The following GRM6 variants were observed in gnomAD, a reference collection of about 807,000 sequenced individuals.
The protein encoded by GRM6 is metabotropic glutamate receptor 6.
In GRM6, 73 loss-of-function variants were observed where a neutral mutation model predicts 78.4. The ratio of observed to expected loss-of-function variants is 0.93; its 90% CI spans 0.77 to 1.13. The LOEUF is 1.13. Ranked by LOEUF, GRM6 falls within the 50% of genes most tolerant of loss-of-function variation. The pLI, the probability that GRM6 is intolerant of heterozygous loss-of-function variation, is 0.00. For synonymous variants in GRM6, 580 were observed against 555.0 expected (o/e 1.05, Z -0.63); for missense variants, 1,251 against 1,256.4 (o/e 1.00, Z 0.07).
At position 178,981,522 on chromosome 5, in the gene GRM6, A is replaced by G; in HGVS notation, c.*135T>C. 1.5e-6 allele frequency: 1 copy of G among 670,544 alleles called. No homozygotes were observed. Among genetic ancestry groups the G allele is most frequent in the Non-Finnish European group, 2.6e-6 (1 of 386,148 alleles). 41.5% of individuals were successfully genotyped at this position (670,544 alleles called of 1,614,324 possible). On this transcript the variant is annotated 3_prime_UTR_variant, in exon 11 of 11. Coordinates refer to ENST00000517717, the MANE Select transcript of GRM6 (RefSeq NM_000843.4). This position sits in a 1 kb window ranked among gnomAD's most constrained non-coding sequence, Gnocchi z 5.1. Reference sequence around the variant, plus strand: ...CCAGTTCCTTCTCAAGGCCAGCCCCACCGACGCGGAGCATGGTCTTGGCAA... The same window carrying G: ...CCAGTTCCTTCTCAAGGCCAGCCCCGCCGACGCGGAGCATGGTCTTGGCAA...
At position 178,994,550 on chromosome 5, in the gene GRM6, C is replaced by T. The variant is rs1581900080; in HGVS notation, c.395G>A (p.Gly132Glu). ...CGCGGGGCGCAGCGGAGGGACGCCT[C>T]CCGGGCAGCGCACGCCCACCTCGTC... ...DGDEVGVRCP[G>E]GVPPLRPAPP... The change falls in exon 2 of 11, where the codon GGA becomes GAA. Residue 132 changes from glycine (G) to glutamate (E), a missense_variant. By Grantham distance (98) the Gly-to-Glu change is moderately conservative. Coordinates refer to ENST00000517717, the MANE Select transcript of GRM6 (RefSeq NM_000843.4). The T allele has an allele frequency of 8.9e-6, 12 of 1,354,178 alleles. No homozygotes were observed. Among genetic ancestry groups the T allele is most frequent in the Non-Finnish European group, 1.0e-5 (11 of 1,059,798 alleles). 83.9% of individuals were successfully genotyped at this position (1,354,178 alleles called of 1,614,324 possible).
At chr5:178,982,351 A>G (rs1760411121) in intron 10 of GRM6, among the ~76,000 whole-genome samples, 1 of 152,080 alleles carries the variant, frequency 6.6e-6, no homozygotes, top group African/African-American at 2.4e-5. Context: ...GCCGAGGCAG[A>G]TGGGTCACTT....
chr5:178,994,914 G>A lies in GRM6; in HGVS notation c.31C>T (p.Leu11=), dbSNP rs986210410. The change falls in exon 2 of 11, where the codon CTG becomes TTG. Residue 11 remains leucine (L), a synonymous_variant. Coordinates refer to ENST00000517717, the MANE Select transcript of GRM6 (RefSeq NM_000843.4). The part of the protein sequence containing the change: MARPRRAREP[L]LVALLPLAWL... ...GCCAGCGGCAGCAGCGCCACGAGCA[G>A]CGGCTCCCGGGCTCTCCGGGGCCGC... 11 of 1,207,304 alleles carry A rather than the reference G, an allele frequency of 9.1e-6. No homozygotes were observed. The East Asian group carries it at 3.7e-4, about 41-fold the overall frequency. 74.8% of individuals were successfully genotyped at this position (1,207,304 alleles called of 1,614,324 possible). A position where few individuals can be genotyped will look rare whatever the true frequency, so the allele number is the denominator to read the frequency against.
In GRM6 at chr5:178,988,233, G is replaced by A. The variant is rs1760604979; in HGVS notation, c.1354+702C>T. Among the ~76,000 whole-genome samples the A allele has an allele frequency of 6.6e-6, 1 of 152,146 alleles. No homozygotes were observed. The highest frequency in any genetic ancestry group is 6.5e-5 in the Admixed American group (1 of 15,276). ...TGACAGTATGAAATTGGAATGACTT[G>A]AACAATGAGCTCTATTTTTCTTACA... is the stretch of plus-strand genomic sequence containing the variant. On this transcript the variant is annotated intron_variant, in intron 7 of 10. Transcript: ENST00000517717. The surrounding 1 kb of genome is among the most constrained non-coding windows in gnomAD (Gnocchi z 6.0).
At chr5:178,985,651 T>A (rs536161691) in intron 9 of GRM6, 26 of 382,482 alleles carry the variant, frequency 6.8e-5, no homozygotes, top group Admixed American at 2.8e-4. Flanking sequence ...TGCAGGGAGC[T>A]GAGATAGTGC....
At chr5:178,990,556 CGTGTG>C (rs760362485) in intron 5 of GRM6, 31 bp downstream of exon 5, 25 of 1,564,420 alleles carry the variant, frequency 1.6e-5, no homozygotes, top group Non-Finnish European at 2.1e-5. Flanking sequence ...GCTGGGGAGA[CGTGTG>C]GGGTGGGGGA....
intron 5 of GRM6, chr5:178,989,636 TTGGTGGACTCAGAGCCAAC>T: frequency 3.3e-6 from 2 of 607,886 alleles, no homozygotes; most frequent in Non-Finnish European, 5.9e-6. Context: ...CAAGTTCTGA[TTGGTGGACTCAGAGCCAAC>T]TGGAGGTTCC....
intron 10 of GRM6, 119 bp downstream of exon 10, chr5:178,982,791 T>G: frequency 1.4e-6 from 1 of 736,696 alleles, no homozygotes; most frequent in Non-Finnish European, 2.4e-6. Flanking sequence ...AATGAGTGAA[T>G]GAACAAGCAG....
chr5:178,985,486 G>T (rs182798412), intron 9 of GRM6: 12 of 341,220 alleles, frequency 3.5e-5, no homozygotes, highest in Non-Finnish European at 5.7e-5. Context: ...GGCGGATCAC[G>T]AGGTCAGGAG....
At chr5:178,985,549 A>G (rs1192889413) in intron 9 of GRM6, 1 of 337,572 alleles carries the variant, frequency 3.0e-6, no homozygotes, top group Non-Finnish European at 5.8e-6. Context: ...TAAAAATACA[A>G]AAAATTAGCC....
intron 9 of GRM6, among the ~76,000 whole-genome samples, chr5:178,985,467 G>A (rs551302915): frequency 1.3e-5 from 2 of 151,674 alleles, no homozygotes; most frequent in Non-Finnish European, 2.9e-5. Context: ...ACTTTGGGAG[G>A]CCGAGGTGGG....
rs1561720935 is a variant in GRM6, at chr5:178,992,049, T to C, written c.539A>G (p.Glu180Gly). The C allele has an allele frequency of 1.2e-6, 2 of 1,613,782 alleles. No individual in the cohort carries two copies. Among genetic ancestry groups the C allele is most frequent in the Admixed American group, 1.7e-5 (1 of 60,000 alleles). ...GTCATAGCGTGTGGAGTCGCTGAGC[T>C]CCGGGGCTGTGGAGGCATAGCTGAT... ...PQISYASTAP[E>G]LSDSTRYDFF... The change falls in exon 3 of 11, where the codon GAG (glutamate) becomes GGG (glycine). Residue 180 changes from glutamate to glycine, a missense_variant. By Grantham distance (98) the Glu-to-Gly change is moderately conservative. Coordinates refer to ENST00000517717, the MANE Select transcript of GRM6 (RefSeq NM_000843.4). The surrounding 1 kb of genome is among the most constrained non-coding windows in gnomAD (Gnocchi z 4.9).
intron 9 of GRM6, chr5:178,985,866 A>C: frequency 1.8e-6 from 1 of 554,858 alleles, no homozygotes; most frequent in Non-Finnish European, 3.3e-6. Flanking sequence ...GGCTCAAGCG[A>C]TCCTCCTATT....
intron 9 of GRM6, chr5:178,983,537 A>C (rs1475950): frequency 0.078 from 43,331 of 553,378 alleles, 2,260 homozygotes; most frequent in African/African-American, 0.19. Flanking sequence ...CCTGCATTCT[A>C]GCCATTACCA....
chr5:178,994,932 G>C lies in GRM6; in HGVS notation c.13C>G (p.Arg5Gly), dbSNP rs1372202082. 28 of 1,185,118 alleles carry C rather than the reference G, an allele frequency of 2.4e-5. No homozygotes were observed. In the Admixed American group the frequency reaches 7.8e-4, roughly 33 times the overall value. The allele number at this position is 1,185,118 out of a possible 1,614,324, so 73.4% of individuals were successfully genotyped here. A position where few individuals can be genotyped will look rare whatever the true frequency, so the allele number is the denominator to read the frequency against. ...ACGAGCAGCGGCTCCCGGGCTCTCC[G>C]GGGCCGCGCCATCGGCTCGTCTAGC... MARP[R>G]RAREPLLVAL... The change falls in exon 2 of 11, where the codon CGG becomes GGG. Residue 5 changes from arginine to glycine, a missense_variant. Arg to Gly is a moderately radical substitution (Grantham distance 125). Coordinates refer to ENST00000517717, the MANE Select transcript of GRM6 (RefSeq NM_000843.4).
rs879377261 is a variant in GRM6, at chr5:178,979,296, C to G, written c.*2361G>C. On this transcript the variant is annotated 3_prime_UTR_variant, in exon 11 of 11. Coordinates refer to ENST00000517717, the MANE Select transcript of GRM6 (RefSeq NM_000843.4). Reference sequence around the variant, plus strand: ...CACAGGCAGAAACTGTATGCACACACCGAGTGTGGAAAAGCCCTCTTGTGG... The same window carrying G: ...CACAGGCAGAAACTGTATGCACACAGCGAGTGTGGAAAAGCCCTCTTGTGG... The G allele has an allele frequency of 6.6e-6, 1 of 152,204 alleles. No homozygotes were observed. The highest frequency in any genetic ancestry group is 6.5e-5 in the Admixed American group (1 of 15,278). 9.4% of individuals were successfully genotyped at this position (152,204 alleles called of 1,614,324 possible).
chr5:178,993,355 A>G (rs1760715023), intron 2 of GRM6, among the ~76,000 whole-genome samples: 2 of 152,140 alleles, frequency 1.3e-5, no homozygotes, highest in Non-Finnish European at 2.9e-5. Context: ...AGCTCTAGGC[A>G]GGGCCGGGGA....
In GRM6 at chr5:178,989,062, G is replaced by A. The variant is rs2645339; in HGVS notation, c.1227C>T (p.Tyr409=). The change falls in exon 7 of 11, where the codon TAC becomes TAT. Residue 409 remains tyrosine (Y), a synonymous_variant. Transcript: ENST00000517717. ...GKVQFVIDAV[Y]AIAHALHSMH... Reference sequence around the variant, plus strand: ...TGCTGTGGAGGGCGTGGGCAATGGCGTACACCGCATCAATCACAAACTGCA... The same window carrying A: ...TGCTGTGGAGGGCGTGGGCAATGGCATACACCGCATCAATCACAAACTGCA... The A allele has an allele frequency of 0.54, 870,447 of 1,613,020 alleles. 237,047 individuals carry two copies. The highest frequency in any genetic ancestry group is 0.56 in the Admixed American group (33,451 of 59,952).
In GRM6 at chr5:178,992,770, T is replaced by C. The variant is rs1296162993; in HGVS notation, c.505-687A>G. ...GTGTGAAGGCCAGAGAGGGGGAGTT[T>C]CTGGAAGGAGGGAGGGGGGCTGGTC... On this transcript the variant is annotated intron_variant, in intron 2 of 10. Coordinates refer to ENST00000517717, the MANE Select transcript of GRM6 (RefSeq NM_000843.4). This position sits in a 1 kb window ranked among gnomAD's most constrained non-coding sequence, Gnocchi z 4.9. Among the ~76,000 whole-genome samples, 1 of 150,772 alleles carries C rather than the reference T, an allele frequency of 6.6e-6. No individual in the cohort carries two copies. The highest frequency in any genetic ancestry group is 2.0e-4 in the East Asian group (1 of 5,106).
Sources: gnomAD v4.1 joint callset for allele counts (sites outside exome capture counted in the v4.1 genomes callset) on GRCh38, gnomAD v4.1.1 for gene constraint, Gnocchi (gnomAD v3.1) non-coding constraint, MANE v1.5 for transcripts, NCBI Gene and HGNC (gene_info 2026-07-23, HGNC 2026-07-21) for gene names.